Variants in DPY19L3 observed in about 807,000 individuals in gnomAD.
DPY19L3 encodes the protein protein C-mannosyl-transferase DPY19L3.
In DPY19L3, 51 loss-of-function variants were observed where a neutral mutation model predicts 92.3. That is an observed-to-expected ratio of 0.55 (90% CI 0.44 to 0.70). DPY19L3 has a LOEUF of 0.70. Among genes scored for constraint, DPY19L3 ranks in the 30% least tolerant of loss-of-function variants. The probability of loss-of-function intolerance (pLI) is 0.00; values close to 1 mark genes in which losing one functional copy is unlikely to be tolerated. For synonymous variants in DPY19L3, 309 were observed against 315.2 expected, an observed-to-expected ratio of 0.98 and a Z score of 0.21; for missense variants, 706 against 855.9, an observed-to-expected ratio of 0.82 and a Z score of 2.18.
At chr19:32,452,906 A>C (rs1051823123) in intron 8 of DPY19L3, among the ~76,000 whole-genome samples, 1 of 147,472 alleles carries the variant, frequency 6.8e-6, no homozygotes. Context: ...GGGTTTCACC[A>C]TGTTGGCCAG....
At chr19:32,436,394 T>C in intron 4 of DPY19L3, 52 bp from the exon 5 acceptor site, 1 of 1,310,234 alleles carries the variant, frequency 7.6e-7, no homozygotes, top group Middle Eastern at 2.7e-4. Context: ...TTTGAATGAA[T>C]GAATAATTAT....
intron 10 of DPY19L3, among the ~76,000 whole-genome samples, chr19:32,456,486 G>A (rs1440427170): frequency 6.6e-6 from 1 of 151,726 alleles, no homozygotes; most frequent in East Asian, 1.9e-4. Flanking sequence ...ACCCAGGCTG[G>A]AGTACAGTGG....
intron 3 of DPY19L3, among the ~76,000 whole-genome samples, chr19:32,418,545 A>G (rs1161349517): frequency 6.6e-6 from 1 of 152,172 alleles, no homozygotes; most frequent in African/African-American, 2.4e-5. Context: ...CTGTAAATAA[A>G]CAATTAGAAA....
chr19:32,407,873 C>T (rs529117171), intron 1 of DPY19L3, among the ~76,000 whole-genome samples: 1 of 152,190 alleles, frequency 6.6e-6, no homozygotes, highest in South Asian at 2.1e-4. Flanking sequence ...CGGGGAGGAT[C>T]GCATGAGGCC....
chr19:32,468,959 C>A, intron 16 of DPY19L3, 146 bp downstream of exon 16: 2 of 668,644 alleles, frequency 3.0e-6, no homozygotes, highest in African/African-American at 1.9e-5. Flanking sequence ...TTTAAAACTC[C>A]ATATTTGAAA....
chr19:32,464,197 A>G (rs575220156), intron 14 of DPY19L3, among the ~76,000 whole-genome samples: 1 of 152,184 alleles, frequency 6.6e-6, no homozygotes, highest in East Asian at 1.9e-4. Flanking sequence ...AGATATGTTC[A>G]TTATACAGAA....
At chr19:32,477,479 A>G (rs1970546114) in intron 16 of DPY19L3, 43 bp from the exon 17 acceptor site, 2 of 1,610,450 alleles carry the variant, frequency 1.2e-6, no homozygotes, top group South Asian at 1.1e-5. Flanking sequence ...GTCTTTAAGG[A>G]TCTCTTAACA....
intron 4 of DPY19L3, 119 bp from the exon 5 acceptor site, chr19:32,436,327 T>C: frequency 1.5e-6 from 1 of 656,040 alleles, no homozygotes; most frequent in Non-Finnish European, 2.2e-6. Context: ...TTGCTTACTC[T>C]TATATCCCCA....
At chr19:32,478,472 T>C (rs2145638702) in intron 17 of DPY19L3, among the ~76,000 whole-genome samples, 1 of 152,346 alleles carries the variant, frequency 6.6e-6, no homozygotes, top group South Asian at 2.1e-4. Flanking sequence ...GTCTCATAGT[T>C]CAAAATTCAG....
intron 12 of DPY19L3, among the ~76,000 whole-genome samples, chr19:32,460,564 T>C (rs1381208578): frequency 6.6e-6 from 1 of 152,358 alleles, no homozygotes; most frequent in Non-Finnish European, 1.5e-5. Flanking sequence ...TTGTAGACTT[T>C]ATAAACACTG....
At chr19:32,471,473 C>T (rs933204124) in intron 16 of DPY19L3, among the ~76,000 whole-genome samples, 3 of 152,182 alleles carry the variant, frequency 2.0e-5, no homozygotes, top group Non-Finnish European at 4.4e-5. Flanking sequence ...GAAATAGTGG[C>T]CTGTGGAAAC....
intron 15 of DPY19L3, among the ~76,000 whole-genome samples, chr19:32,465,244 A>G (rs546940205): frequency 6.6e-6 from 1 of 152,348 alleles, no homozygotes; most frequent in African/African-American, 2.4e-5. Flanking sequence ...AGGCTTTTTA[A>G]AATCTGTTCT....
intron 12 of DPY19L3, among the ~76,000 whole-genome samples, chr19:32,462,467 A>G (rs1448829390): frequency 6.6e-6 from 1 of 152,228 alleles, no homozygotes; most frequent in African/African-American, 2.4e-5. Context: ...GAATCCACCG[A>G]TAAGAGGGGA....
chr19:32,482,343 A>G lies in DPY19L3; in HGVS notation c.*103A>G, dbSNP rs1249866027. 4 of 1,341,430 alleles carry G rather than the reference A, an allele frequency of 3.0e-6. No individual in the cohort carries two copies. In the African/African-American group the frequency reaches 5.9e-5, roughly 20 times the overall value. 83.1% of individuals were successfully genotyped at this position (1,341,430 alleles called of 1,614,324 possible). On this transcript the variant is annotated 3_prime_UTR_variant, in exon 19 of 19. Transcript: ENST00000392250. ...TGTAAGTAGGTAGCCCAAACCTTCAAGCTGTGATATGAGTAAGTTCTACAG... is the reference window on the plus strand; with the variant it reads ...TGTAAGTAGGTAGCCCAAACCTTCAGGCTGTGATATGAGTAAGTTCTACAG...
Position 32,468,776 on chromosome 19 carries a change from T to C in DPY19L3, c.1660T>C (p.Tyr554His). ...MDELSELREF[Y>H]DPDTVELMNW... ...TGAACTCTCCGAGTTGAGAGAATTC[T>C]ATGATCCAGATACAGTGGAGCTGAT... The change falls in exon 16 of 19, where the codon TAT becomes CAT. Residue 554 changes from tyrosine to histidine, a missense_variant. Tyr to His is a moderately conservative substitution (Grantham distance 83). Transcript: ENST00000392250. 1 of 1,613,990 alleles carries C rather than the reference T, an allele frequency of 6.2e-7. No individual in the cohort carries two copies. Among genetic ancestry groups the C allele is most frequent in the Non-Finnish European group, 8.5e-7 (1 of 1,179,918 alleles).
intron 3 of DPY19L3, among the ~76,000 whole-genome samples, chr19:32,419,253 C>T (rs1314225166): frequency 1.3e-5 from 2 of 151,132 alleles, no homozygotes; most frequent in Admixed American, 1.3e-4. Flanking sequence ...CTCCACCTCC[C>T]GGGTTCGCGC....
intron 3 of DPY19L3, among the ~76,000 whole-genome samples, chr19:32,422,096 C>A (rs1410165805): frequency 2.0e-5 from 3 of 152,138 alleles, no homozygotes; most frequent in African/African-American, 7.2e-5. Context: ...TTGCCACATT[C>A]TGACATAACT....
At chr19:32,481,022 C>A (rs949151465) in intron 18 of DPY19L3, 12 of 367,266 alleles carry the variant, frequency 3.3e-5, no homozygotes, top group East Asian at 1.6e-4. Flanking sequence ...GTCCTGTGTC[C>A]ACTGGTGTGT....
intron 3 of DPY19L3, among the ~76,000 whole-genome samples, chr19:32,414,852 A>G (rs1042928974): frequency 6.6e-6 from 1 of 152,188 alleles, no homozygotes; most frequent in Non-Finnish European, 1.5e-5. Flanking sequence ...ACACCCCATC[A>G]TCAAGAAACT....
Sources: gnomAD v4.1 joint callset for allele counts (sites outside exome capture counted in the v4.1 genomes callset) on GRCh38, gnomAD v4.1.1 for gene constraint, MANE v1.5 for transcripts, NCBI Gene and HGNC (gene_info 2026-07-23, HGNC 2026-07-21) for gene names.